MYT1: variants seen among roughly 807,000 people sequenced by gnomAD.
MYT1 encodes myelin transcription factor 1.
Under a neutral mutation model 123.0 loss-of-function variants are expected in MYT1, and 23 were observed. The ratio of observed to expected loss-of-function variants is 0.19; its 90% CI spans 0.13 to 0.26. MYT1 has a LOEUF of 0.26. MYT1 is among the 10% of genes least tolerant of loss of function. The pLI is 1.00. For missense variants in MYT1, 1,125 were observed against 1,472.5 expected (o/e 0.76, Z 3.86); for synonymous variants, 518 against 575.3 (o/e 0.90, Z 1.43).
intron 1 of MYT1, among the ~76,000 whole-genome samples, chr20:64,173,709 G>T: frequency 1.8e-5 from 2 of 110,678 alleles, no homozygotes; most frequent in Admixed American, 1.0e-4. Context: ...TTGTAGTTGT[G>T]TCCATTTCCC....
At position 64,219,794 on chromosome 20, in the gene MYT1, AGCAGCAGCAGCT is replaced by A. The variant is rs749714199; in HGVS notation, c.2065_2076del (p.Cys689_Ser692del). The A allele has an allele frequency of 1.9e-6, 3 of 1,613,698 alleles. No individual in the cohort carries two copies. Among genetic ancestry groups the A allele is most frequent in the Admixed American group, 1.7e-5 (1 of 59,976 alleles). On this transcript the variant is annotated inframe_deletion, in exon 13 of 23. Coordinates refer to ENST00000328439, the MANE Select transcript of MYT1 (RefSeq NM_004535.3). ...CCGCAAACGAGAAAATGCTTTCCCC[AGCAGCAGCAGCT>A]GCAGCAGCAGCCCCGGTGTGAAGTC...
rs1984692103 is a variant in MYT1, at chr20:64,240,598, T to A, written c.*150T>A. 1.7e-6 allele frequency: 2 copies of A among 1,168,100 alleles called. No homozygotes were observed. The highest frequency in any genetic ancestry group is 2.3e-6 in the Non-Finnish European group (2 of 861,914). The allele number at this position is 1,168,100 out of a possible 1,614,324, so 72.4% of individuals were successfully genotyped here. The stretch of plus-strand genomic sequence containing the variant: ...GTTTATCCAAAGGGATGGCTGGAAA[T>A]TGGCCGCTCCCACGAGGCTCCCTCC... On this transcript the variant is annotated 3_prime_UTR_variant, in exon 23 of 23. Transcript: ENST00000328439.
intron 10 of MYT1, among the ~76,000 whole-genome samples, chr20:64,215,382 G>C (rs904561211): frequency 2.0e-5 from 3 of 152,206 alleles, no homozygotes; most frequent in African/African-American, 4.8e-5. Context: ...CTGAACGCTA[G>C]AGAGATTGTG....
intron 16 of MYT1, among the ~76,000 whole-genome samples, chr20:64,226,682 A>G (rs1984177731): frequency 6.6e-6 from 1 of 152,288 alleles, no homozygotes; most frequent in South Asian, 2.1e-4. Flanking sequence ...GAAGAAAATA[A>G]CATCCGTGCT....
At position 64,189,355 on chromosome 20, in the gene MYT1, A is replaced by G. The variant is rs1195592492; in HGVS notation, c.-98-708A>G. On this transcript the variant is annotated intron_variant, in intron 1 of 22. Transcript: ENST00000328439. The surrounding 1 kb of genome is among the most constrained non-coding windows in gnomAD (Gnocchi z 5.5). ...GGAGTGACGTGCAGGGAATAGGTAC[A>G]CAATGCGTTTCTTTGTCATGTCCAG... Among the ~76,000 whole-genome samples the G allele has an allele frequency of 3.9e-5, 6 of 152,232 alleles. No homozygotes were observed. In the East Asian group the frequency reaches 1.2e-3, roughly 29 times the overall value.
Position 64,231,260 on chromosome 20 carries a change from G to T in MYT1, c.2676-904G>T, listed in dbSNP as rs561312958. ...CTTGCAGATTGAAGATCTTGTCCTGGGTTTGGCGTGGGTTCCTGGATGACG... is the reference window on the plus strand; with the variant it reads ...CTTGCAGATTGAAGATCTTGTCCTGTGTTTGGCGTGGGTTCCTGGATGACG... On this transcript the variant is annotated intron_variant, in intron 18 of 22. Coordinates refer to ENST00000328439, the MANE Select transcript of MYT1 (RefSeq NM_004535.3). The surrounding 1 kb of genome is among the most constrained non-coding windows in gnomAD (Gnocchi z 6.4). 7.2e-5 allele frequency among the ~76,000 whole-genome samples: 11 copies of T among 152,270 alleles called. No individual in the cohort carries two copies. In the East Asian group the frequency reaches 2.1e-3, roughly 29 times the overall value.
chr20:64,187,509 G>A (rs572543548), intron 1 of MYT1, among the ~76,000 whole-genome samples: 1 of 152,162 alleles, frequency 6.6e-6, no homozygotes, highest in African/African-American at 2.4e-5. Flanking sequence ...CCACGTTTCC[G>A]TGGAGAGTTT....
intron 21 of MYT1, 111 bp from the exon 22 acceptor site, chr20:64,239,649 C>T (rs1233189058): frequency 3.4e-6 from 5 of 1,480,844 alleles, no homozygotes; most frequent in Middle Eastern, 2.0e-4. Flanking sequence ...CCTCTTCCCC[C>T]ACCCCAGGGT....
At chr20:64,172,197 C>T (rs1982304623) in intron 1 of MYT1, among the ~76,000 whole-genome samples, 1 of 152,030 alleles carries the variant, frequency 6.6e-6, no homozygotes. Context: ...TTTTTCTAAG[C>T]CTGTAGAGCA....
At chr20:64,201,931 CCGCG>C (rs1983320049) in intron 4 of MYT1, among the ~76,000 whole-genome samples, 3 of 131,194 alleles carry the variant, frequency 2.3e-5, no homozygotes, top group Admixed American at 7.6e-5. Flanking sequence ...TCGGGAACCC[CCGCG>C]TGTCGGGAAC....
At chr20:64,173,272 C>CA (rs922743769) in intron 1 of MYT1, among the ~76,000 whole-genome samples, 2 of 152,154 alleles carry the variant, frequency 1.3e-5, no homozygotes, top group African/African-American at 2.4e-5. Context: ...GTGGGAGGGT[C>CA]AGGCCTCAAG....
rs1983911131 is a variant in MYT1 at position 64,218,810 on chromosome 20, G to A, written c.1847-101G>A. On this transcript the variant is annotated intron_variant, in intron 11 of 22. Transcript: ENST00000328439. This position sits in a 1 kb window ranked among gnomAD's most constrained non-coding sequence, Gnocchi z 4.0. ...TCTTTTCAAGTTGTATATCAGCCTG[G>A]TGTTGTTCCCTTTTTGCAGCCAAAC... 1 of 1,508,602 alleles carries A rather than the reference G, an allele frequency of 6.6e-7. No individual in the cohort carries two copies. Among genetic ancestry groups the A allele is most frequent in the Non-Finnish European group, 9.1e-7 (1 of 1,094,108 alleles). 93.5% of individuals were successfully genotyped at this position (1,508,602 alleles called of 1,614,324 possible). A position where few individuals can be genotyped will look rare whatever the true frequency, so the allele number is the denominator to read the frequency against.
intron 1 of MYT1, among the ~76,000 whole-genome samples, chr20:64,184,777 T>C (rs111686921): frequency 0.022 from 3,361 of 152,230 alleles, 92 homozygotes; most frequent in African/African-American, 0.068. Context: ...CTTGAGGAGC[T>C]GATGACTGAA....
At chr20:64,236,761 T>G in intron 20 of MYT1, 115 bp downstream of exon 20, 1 of 871,976 alleles carries the variant, frequency 1.1e-6, no homozygotes, top group Non-Finnish European at 1.9e-6. Context: ...CCTCCTGGAA[T>G]GAGTCACGGC....
chr20:64,236,332 C>CTGGCCGCGGTGGGTGACCATGGGA (rs1984541514), intron 19 of MYT1, among the ~76,000 whole-genome samples: 1 of 119,372 alleles, frequency 8.4e-6, no homozygotes, highest in Non-Finnish European at 1.7e-5. Flanking sequence ...TGACCCTGGG[C>CTGGCCGCGGTGGGTGACCATGGGA]TGGCCGCGGT....
intron 13 of MYT1, 135 bp from the exon 14 acceptor site, chr20:64,221,758 A>T (rs891800967): frequency 1.1e-6 from 1 of 874,628 alleles, no homozygotes; most frequent in African/African-American, 1.7e-5. Context: ...TTCCTCCCTT[A>T]TCCAGAAGAT....
intron 22 of MYT1, 79 bp from the exon 23 acceptor site, chr20:64,240,241 T>G: frequency 1.3e-6 from 2 of 1,563,862 alleles, no homozygotes; most frequent in Non-Finnish European, 1.7e-6. Flanking sequence ...GGGACATAGG[T>G]TTGATGCTCC....
Position 64,213,479 on chromosome 20 carries a change from G to A in MYT1, c.1518-55G>A. 1 of 1,426,806 alleles carries A rather than the reference G, an allele frequency of 7.0e-7. No individual in the cohort carries two copies. Among genetic ancestry groups the A allele is most frequent in the Non-Finnish European group, 9.9e-7 (1 of 1,014,216 alleles). 88.4% of individuals were successfully genotyped at this position (1,426,806 alleles called of 1,614,324 possible). A position where few individuals can be genotyped will look rare whatever the true frequency, so the allele number is the denominator to read the frequency against. ...GACACCCACACACACAGACACCCAG[G>A]ACAGGACAGGCATGGAGGGGAAGGC... On this transcript the variant is annotated intron_variant, in intron 9 of 22. Transcript: ENST00000328439. The surrounding 1 kb of genome is among the most constrained non-coding windows in gnomAD (Gnocchi z 5.6).
At chr20:64,179,791 G>A (rs1364223964) in intron 1 of MYT1, among the ~76,000 whole-genome samples, 2 of 151,868 alleles carry the variant, frequency 1.3e-5, no homozygotes, top group African/African-American at 4.8e-5. Flanking sequence ...ACGTATGTGT[G>A]TACACACACA....
Sources: allele counts gnomAD v4.1 joint callset (sites outside exome capture counted in the v4.1 genomes callset), GRCh38; gene constraint gnomAD v4.1.1; non-coding constraint Gnocchi (gnomAD v3.1); transcripts MANE v1.5; gene names NCBI Gene and HGNC (gene_info 2026-07-23, HGNC 2026-07-21).